TENM2: variants seen among roughly 807,000 people sequenced by gnomAD.
TENM2 encodes teneurin-2.
Under a neutral mutation model 245.2 loss-of-function variants are expected in TENM2, and 52 were observed. The observed-to-expected ratio is 0.21, with a 90% CI of 0.17 to 0.27. TENM2 has a LOEUF of 0.27. Among genes scored for constraint, TENM2 ranks in the 10% least tolerant of loss-of-function variants. The pLI, the probability that TENM2 is intolerant of heterozygous loss-of-function variation, is 1.00. For synonymous variants in TENM2, 1,363 were observed against 1,438.9 expected, an observed-to-expected ratio of 0.95 and a Z score of 1.19; for missense variants, 3,046 against 3,666.8, an observed-to-expected ratio of 0.83 and a Z score of 4.37.
At chr5:168,184,394 CCACTCTGT>C (rs2152497397) in intron 13 of TENM2, among the ~76,000 whole-genome samples, 1 of 152,306 alleles carries the variant, frequency 6.6e-6, no homozygotes, top group South Asian at 2.1e-4. Flanking sequence ...GCCATCTCCA[CCACTCTGT>C]CACAAAATGA....
chr5:167,598,591 T>C (rs1230071548), intron 2 of TENM2, among the ~76,000 whole-genome samples: 1 of 152,156 alleles, frequency 6.6e-6, no homozygotes, highest in East Asian at 1.9e-4. Context: ...TGTTGGAAAA[T>C]GAAAACCGTC....
At chr5:167,617,945 T>C (rs549678271) in intron 2 of TENM2, among the ~76,000 whole-genome samples, 175 of 152,296 alleles carry the variant, frequency 1.1e-3, no homozygotes, top group Non-Finnish European at 1.3e-4. Context: ...GAGCCATCTG[T>C]TCTTTTAAGT....
intron 4 of TENM2, among the ~76,000 whole-genome samples, chr5:167,958,612 G>A (rs1262855403): frequency 6.6e-6 from 1 of 152,172 alleles, no homozygotes; most frequent in Non-Finnish European, 1.5e-5. Flanking sequence ...TGCTGTGGCT[G>A]GTACCAGTTT....
intron 1 of TENM2, among the ~76,000 whole-genome samples, chr5:167,369,116 C>G (rs993804102): frequency 1.3e-5 from 2 of 152,128 alleles, no homozygotes; most frequent in Non-Finnish European, 2.9e-5. Context: ...GCAGGTTTCT[C>G]TAGCACCAGG....
At chr5:167,034,300 T>G in the TENM2 span, among the ~76,000 whole-genome samples, 1 of 152,122 alleles carries the variant, frequency 6.6e-6, no homozygotes, top group African/African-American at 2.4e-5. Flanking sequence ...CAATGGTCAG[T>G]AACAAAAGAT....
At chr5:167,605,214 A>G (rs148500954) in intron 2 of TENM2, among the ~76,000 whole-genome samples, 2 of 152,278 alleles carry the variant, frequency 1.3e-5, no homozygotes, top group East Asian at 3.9e-4. Context: ...GTACGATTCT[A>G]TGTTCATTTT....
chr5:168,142,898 C>T (rs1043970466), intron 12 of TENM2, among the ~76,000 whole-genome samples: 1 of 152,192 alleles, frequency 6.6e-6, no homozygotes. Flanking sequence ...TGAGACTCCC[C>T]TGTGTGTGAG....
At chr5:167,770,547 CCTTA>C (rs1216927124) in intron 2 of TENM2, among the ~76,000 whole-genome samples, 6 of 152,290 alleles carry the variant, frequency 3.9e-5, no homozygotes, top group Admixed American at 3.9e-4. Context: ...TAACTTCATT[CCTTA>C]CTTAGGAAGT....
the TENM2 span, among the ~76,000 whole-genome samples, chr5:167,267,657 G>A: frequency 6.6e-6 from 1 of 152,160 alleles, no homozygotes; most frequent in African/African-American, 2.4e-5. Flanking sequence ...GCAAATGTGA[G>A]AGACTTTCAT....
At chr5:167,207,592 G>T in the TENM2 span, among the ~76,000 whole-genome samples, 1 of 152,116 alleles carries the variant, frequency 6.6e-6, no homozygotes, top group East Asian at 1.9e-4. Context: ...CTACACAGGG[G>T]CTAGCAATTG....
chr5:167,615,187 G>A (rs565136398), intron 2 of TENM2, among the ~76,000 whole-genome samples: 4 of 152,066 alleles, frequency 2.6e-5, no homozygotes, highest in African/African-American at 9.6e-5. Context: ...TTTCTATTCT[G>A]GACTGTCCTG....
At chr5:167,810,667 T>A (rs1160297532) in intron 2 of TENM2, among the ~76,000 whole-genome samples, 2 of 151,898 alleles carry the variant, frequency 1.3e-5, no homozygotes, top group Non-Finnish European at 2.9e-5. Flanking sequence ...GGCTGACTTG[T>A]GCCCTAAGAA....
intron 23 of TENM2, among the ~76,000 whole-genome samples, chr5:168,219,242 G>A (rs373106378): frequency 5.9e-5 from 9 of 152,148 alleles, no homozygotes; most frequent in South Asian, 2.1e-4. Flanking sequence ...CCTGCTTGCC[G>A]TTCAAATTTC....
At chr5:167,690,972 G>T (rs1457988666) in intron 2 of TENM2, among the ~76,000 whole-genome samples, 1 of 146,816 alleles carries the variant, frequency 6.8e-6, no homozygotes, top group Admixed American at 6.8e-5. Context: ...TGTGTGTGTA[G>T]AGAGAGAGAG....
chr5:167,665,150 C>T (rs1197637412), intron 2 of TENM2, among the ~76,000 whole-genome samples: 1 of 152,172 alleles, frequency 6.6e-6, no homozygotes, highest in Non-Finnish European at 1.5e-5. Context: ...ATCTTTTACT[C>T]TTCTGAATCT....
the TENM2 span, among the ~76,000 whole-genome samples, chr5:167,240,275 T>C: frequency 6.6e-6 from 1 of 151,878 alleles, no homozygotes; most frequent in Non-Finnish European, 1.5e-5. Context: ...TTTTTTGCTC[T>C]GTTTGTCCGT....
At chr5:167,875,948 T>C (rs760685637) in intron 2 of TENM2, 38 bp from the exon 5 acceptor site, 1 of 1,434,232 alleles carries the variant, frequency 7.0e-7, no homozygotes. Flanking sequence ...CTCGTGACAC[T>C]CATTGCTGAC....
At chr5:168,127,007 G>T (rs1795899826) in intron 12 of TENM2, 41 bp downstream of exon 14, 2 of 1,517,046 alleles carry the variant, frequency 1.3e-6, no homozygotes, top group Non-Finnish European at 1.8e-6. Context: ...GATCTATAGT[G>T]ATGGTCGCGC....
intron 2 of TENM2, among the ~76,000 whole-genome samples, chr5:167,805,134 G>C (rs1485231284): frequency 6.6e-6 from 1 of 152,100 alleles, no homozygotes; most frequent in Admixed American, 6.6e-5. Flanking sequence ...GCAATTGGGA[G>C]GGCGTAAGAG....
Sources: gnomAD v4.1 joint callset for allele counts (sites outside exome capture counted in the v4.1 genomes callset) on GRCh38, gnomAD v4.1.1 for gene constraint, MANE v1.5 for transcripts, NCBI Gene and HGNC (gene_info 2026-07-23, HGNC 2026-07-21) for gene names.